The following ATP8A2 variants were observed in gnomAD, a reference collection of about 807,000 sequenced individuals.
The protein encoded by ATP8A2 is phospholipid-transporting ATPase IB.
ATP8A2 carries 100 observed loss-of-function variants against 165.6 expected under a neutral mutation model. The ratio of observed to expected loss-of-function variants is 0.60; its 90% confidence interval spans 0.51 to 0.71. ATP8A2 has a LOEUF of 0.71. ATP8A2 is among the 30% of genes least tolerant of loss of function. The pLI is 0.00. For missense variants in ATP8A2, 1,227 were observed against 1,479.5 expected (o/e 0.83, Z 2.80); for synonymous variants, 543 against 548.8 (o/e 0.99, Z 0.15).
chr13:25,721,954 G>T (rs1352404964), intron 25 of ATP8A2, among the ~76,000 whole-genome samples: 5 of 152,198 alleles, frequency 3.3e-5, no homozygotes, highest in South Asian at 2.1e-4. Context: ...TTTTTCCTGG[G>T]TATATGCCCA....
intron 26 of ATP8A2, among the ~76,000 whole-genome samples, 184 bp downstream of exon 26, chr13:25,769,413 C>T (rs1042860017): frequency 1.3e-5 from 2 of 152,234 alleles, no homozygotes; most frequent in African/African-American, 4.8e-5. Context: ...GTTTGGAGGC[C>T]CTGTCCTGCT....
chr13:25,491,837 G>A (rs900585503), intron 2 of ATP8A2, among the ~76,000 whole-genome samples: 3 of 152,154 alleles, frequency 2.0e-5, no homozygotes, highest in African/African-American at 7.2e-5. Context: ...GATTTAGTAG[G>A]TGTTTATACC....
Position 25,372,496 on chromosome 13 carries a change from G to A in ATP8A2, c.76+208G>A, listed in dbSNP as rs866959305. ...CACCTGCGGGGCCAAAAGGCTCCAG[G>A]CCGGGGCGAGGTGAGCGGCGGGCGT... On this transcript the variant is annotated intron_variant, in intron 1 of 36. Coordinates refer to ENST00000381655, the MANE Select transcript of ATP8A2 (RefSeq NM_016529.6). The surrounding 1 kb of genome is among the most constrained non-coding windows in gnomAD (Gnocchi z 4.8). Among the ~76,000 whole-genome samples, 5 of 152,162 alleles carry A rather than the reference G, an allele frequency of 3.3e-5. No homozygotes were observed. Among genetic ancestry groups the A allele is most frequent in the Non-Finnish European group, 5.9e-5 (4 of 68,016 alleles).
chr13:25,603,341 A>T (rs566096746), intron 24 of ATP8A2, among the ~76,000 whole-genome samples: 2 of 151,660 alleles, frequency 1.3e-5, no homozygotes, highest in South Asian at 4.2e-4. Context: ...TACAAAAAAA[A>T]TTTAGCCAGT....
intron 10 of ATP8A2, among the ~76,000 whole-genome samples, chr13:25,543,975 CATTTCTTACA>C (rs2038563983): frequency 6.6e-6 from 1 of 152,204 alleles, no homozygotes; most frequent in South Asian, 2.1e-4. Flanking sequence ...CCCTGTATGT[CATTTCTTACA>C]TTTGTTTGGT....
At chr13:25,430,152 T>G (rs1384700525) in intron 1 of ATP8A2, among the ~76,000 whole-genome samples, 1 of 152,114 alleles carries the variant, frequency 6.6e-6, no homozygotes, top group East Asian at 1.9e-4. Context: ...GGGTGTCTAG[T>G]AAGCAGCTAT....
At chr13:25,395,664 T>C (rs2033396887) in intron 1 of ATP8A2, among the ~76,000 whole-genome samples, 1 of 152,058 alleles carries the variant, frequency 6.6e-6, no homozygotes, top group South Asian at 2.1e-4. Flanking sequence ...GTCTATTGAG[T>C]ATCTAGAACT....
intron 24 of ATP8A2, among the ~76,000 whole-genome samples, chr13:25,594,657 C>T (rs1000839707): frequency 7.2e-5 from 11 of 152,074 alleles, no homozygotes; most frequent in Admixed American, 4.6e-4. Flanking sequence ...TATGAGTGAG[C>T]ACATACGATG....
chr13:25,555,086 A>T lies in ATP8A2; in HGVS notation c.1263+18A>T. 6.3e-7 allele frequency: 1 copy of T among 1,582,632 alleles called. No individual in the cohort carries two copies. Among genetic ancestry groups the T allele is most frequent in the Non-Finnish European group, 8.7e-7 (1 of 1,152,140 alleles). On this transcript the variant is annotated intron_variant, in intron 13 of 36. Coordinates refer to ENST00000381655, the MANE Select transcript of ATP8A2 (RefSeq NM_016529.6). ...TTGGGCAGGTGAAAAAGCCTCTGGG[A>T]ACTTTGGGAATGGTGACACGAGCAT...
At chr13:25,402,503 C>T (rs1029340926) in intron 1 of ATP8A2, among the ~76,000 whole-genome samples, 1 of 152,164 alleles carries the variant, frequency 6.6e-6, no homozygotes, top group Non-Finnish European at 1.5e-5. Context: ...TGCTGGTGTG[C>T]CCTGGCACTG....
At chr13:25,581,233 G>A (rs1024583265) in intron 22 of ATP8A2, among the ~76,000 whole-genome samples, 4 of 152,126 alleles carry the variant, frequency 2.6e-5, no homozygotes, top group Admixed American at 6.5e-5. Flanking sequence ...CCGACCAGCA[G>A]GCACAGTGCG....
chr13:25,849,791 G>A (rs1951961939), intron 30 of ATP8A2, among the ~76,000 whole-genome samples: 1 of 152,158 alleles, frequency 6.6e-6, no homozygotes, highest in Non-Finnish European at 1.5e-5. Context: ...TGCTGCCTTG[G>A]GTCAGGGGAT....
intron 11 of ATP8A2, 131 bp from the exon 12 acceptor site, chr13:25,553,662 G>C: frequency 1.1e-6 from 1 of 890,518 alleles, no homozygotes; most frequent in Non-Finnish European, 1.7e-6. Context: ...GCCTCCTACA[G>C]AAAGCAGCCT....
intron 35 of ATP8A2, among the ~76,000 whole-genome samples, chr13:26,001,548 G>GT (rs1020800773): frequency 2.0e-5 from 3 of 152,032 alleles, no homozygotes; most frequent in African/African-American, 4.8e-5. Context: ...TGGTTTTGGG[G>GT]TTTTTTTAAT....
intron 24 of ATP8A2, among the ~76,000 whole-genome samples, chr13:25,678,950 C>T (rs779073158): frequency 6.6e-6 from 1 of 152,176 alleles, no homozygotes; most frequent in East Asian, 1.9e-4. Flanking sequence ...AGAAAGACAA[C>T]TCAGTGAAGA....
In ATP8A2 at chr13:26,002,848, C is replaced by CTGTGTGTGTGTG. The variant is rs199795279; in HGVS notation, c.3378-9647_3378-9636dup. ...CTTTTTAAGGCTGAATAGTATTCCA[C>CTGTGTGTGTGTG]TGTGTGTGTGTGTGTGTGTGTGTGT... On this transcript the variant is annotated intron_variant, in intron 35 of 36. Coordinates refer to ENST00000381655, the MANE Select transcript of ATP8A2 (RefSeq NM_016529.6). Among the ~76,000 whole-genome samples the CTGTGTGTGTGTG allele has an allele frequency of 7.6e-3, 1,026 of 134,754 alleles. 7 individuals carry two copies. Among genetic ancestry groups the CTGTGTGTGTGTG allele is most frequent in the African/African-American group, 0.019 (672 of 35,044 alleles). The allele number at this position is 134,754 out of a possible 152,430, so 88.4% of individuals were successfully genotyped here.
intron 33 of ATP8A2, among the ~76,000 whole-genome samples, chr13:25,900,715 G>C (rs1953715618): frequency 6.6e-6 from 1 of 152,146 alleles, no homozygotes; most frequent in Non-Finnish European, 1.5e-5. Flanking sequence ...TCAGTTGCTT[G>C]GGGGCTTAAG....
intron 24 of ATP8A2, among the ~76,000 whole-genome samples, chr13:25,614,886 C>A (rs1391855879): frequency 6.6e-6 from 1 of 152,232 alleles, no homozygotes; most frequent in African/African-American, 2.4e-5. Flanking sequence ...TGGATACCAG[C>A]ACCTGCTTTG....
intron 35 of ATP8A2, among the ~76,000 whole-genome samples, chr13:25,992,142 C>T (rs1488033751): frequency 1.3e-5 from 2 of 151,120 alleles, no homozygotes; most frequent in East Asian, 3.9e-4. Flanking sequence ...TCAGAGTGGG[C>T]ATACCATTTT....
Sources: gnomAD v4.1 joint callset for allele counts (sites outside exome capture counted in the v4.1 genomes callset) on GRCh38, gnomAD v4.1.1 for gene constraint, Gnocchi (gnomAD v3.1) non-coding constraint, MANE v1.5 for transcripts, NCBI Gene and HGNC (gene_info 2026-07-23, HGNC 2026-07-21) for gene names.